SPTAN1: variants seen among roughly 807,000 people sequenced by gnomAD.
The protein encoded by SPTAN1 is spectrin alpha, non-erythrocytic 1.
SPTAN1 carries 61 observed loss-of-function variants against 331.3 expected under a neutral mutation model. The observed-to-expected ratio is 0.18, with a 90% confidence interval of 0.15 to 0.23. SPTAN1 has a LOEUF of 0.23. SPTAN1 is among the 10% of genes least tolerant of loss of function. The pLI, the probability that SPTAN1 is intolerant of heterozygous loss-of-function variation, is 1.00. For missense variants in SPTAN1, 2,043 were observed against 3,147.9 expected (o/e 0.65, Z 8.40); for synonymous variants, 1,153 against 1,173.9 (o/e 0.98, Z 0.36).
chr9:128,605,446 C>G lies in SPTAN1; in HGVS notation c.4015C>G (p.His1339Asp). ...GCGCAAGGCAAAGTTGGGTGACTCC[C>G]ACGACCTGCAGCGCTTCCTTAGCGA... ...DQRKAKLGDS[H>D]DLQRFLSDFR... The change falls in exon 31 of 57, where the codon CAC (histidine) becomes GAC (aspartate). Residue 1339 changes from histidine to aspartate, a missense_variant. Transcript: ENST00000372739. 1 of 1,614,184 alleles carries G rather than the reference C, an allele frequency of 6.2e-7. No individual in the cohort carries two copies. The highest frequency in any genetic ancestry group is 8.5e-7 in the Non-Finnish European group (1 of 1,180,038).
At chr9:128,606,765 C>G (rs1180796779) in intron 31 of SPTAN1, among the ~76,000 whole-genome samples, 2 of 152,052 alleles carry the variant, frequency 1.3e-5, no homozygotes, top group Non-Finnish European at 2.9e-5. Context: ...GGATTACAGG[C>G]GTGAGCCACT....
intron 56 of SPTAN1, 91 bp from the exon 57 acceptor site, chr9:128,633,117 GC>G: frequency 1.2e-6 from 2 of 1,603,020 alleles, no homozygotes; most frequent in Admixed American, 1.7e-5. Context: ...TGTAGAAGCA[GC>G]TCCGAGCCCC....
intron 3 of SPTAN1, among the ~76,000 whole-genome samples, chr9:128,573,101 A>C (rs1229980315): frequency 6.6e-6 from 1 of 152,194 alleles, no homozygotes; most frequent in Non-Finnish European, 1.5e-5. Context: ...GTTAGTGTTT[A>C]AACCGCTTTG....
chr9:128,580,141 C>G (rs1000941793), intron 10 of SPTAN1, among the ~76,000 whole-genome samples: 1 of 151,858 alleles, frequency 6.6e-6, no homozygotes, highest in African/African-American at 2.4e-5. Flanking sequence ...AGTGAGACCC[C>G]CATCTGGACA....
intron 1 of SPTAN1, among the ~76,000 whole-genome samples, chr9:128,556,277 G>C (rs1405566602): frequency 6.6e-6 from 1 of 150,782 alleles, no homozygotes; most frequent in Non-Finnish European, 1.5e-5. Flanking sequence ...TACAGTCTTT[G>C]TTTTCTAAGT....
At chr9:128,622,261 T>G (rs779831676) in intron 45 of SPTAN1, among the ~76,000 whole-genome samples, 1 of 150,686 alleles carries the variant, frequency 6.6e-6, no homozygotes, top group Non-Finnish European at 1.5e-5. Context: ...CCAGTGTGAG[T>G]GTCCTTCAGC....
chr9:128,575,488 T>A, intron 5 of SPTAN1, 143 bp downstream of exon 5: 2 of 908,184 alleles, frequency 2.2e-6, no homozygotes, highest in Non-Finnish European at 3.5e-6. Flanking sequence ...TGTTTAGATG[T>A]GAGGCACAAT....
Position 128,582,462 on chromosome 9 carries a change from C to T in SPTAN1, c.1573-17C>T, listed in dbSNP as rs1445700444. 1 of 1,613,544 alleles carries T rather than the reference C, an allele frequency of 6.2e-7. No individual in the cohort carries two copies. The highest frequency in any genetic ancestry group is 1.1e-5 in the South Asian group (1 of 91,044). ...CTAGTGTGCTTACCAATGAAGAACT[C>T]TTATCTTCCTTCCTAGGCATTAGAT... On this transcript the variant is annotated splice_polypyrimidine_tract_variant and intron_variant, in intron 12 of 56. Transcript: ENST00000372739.
rs578034901 is a variant in SPTAN1 at position 128,627,293 on chromosome 9, G to A, written c.6577-93G>A. The A allele has an allele frequency of 8.7e-7, 1 of 1,143,326 alleles. No homozygotes were observed. Among genetic ancestry groups the A allele is most frequent in the South Asian group, 1.4e-5 (1 of 71,950 alleles). 70.8% of individuals were successfully genotyped at this position (1,143,326 alleles called of 1,614,324 possible). ...CTCATCTTTGGGGAGGTTCCTTGTG[G>A]GGAGGCCACCACCACCCTGAGCCCA... On this transcript the variant is annotated intron_variant, in intron 49 of 56. Coordinates refer to ENST00000372739, the MANE Select transcript of SPTAN1 (RefSeq NM_001130438.3). The surrounding 1 kb of genome is among the most constrained non-coding windows in gnomAD (Gnocchi z 4.9).
At chr9:128,615,947 G>C (rs1857113174) in intron 41 of SPTAN1, 107 bp downstream of exon 41, 3 of 1,246,686 alleles carry the variant, frequency 2.4e-6, no homozygotes, top group Non-Finnish European at 3.4e-6. Flanking sequence ...GCTGGACTGG[G>C]ATCCCAGCTT....
chr9:128,560,231 ACG>A (rs1394101907), intron 1 of SPTAN1, among the ~76,000 whole-genome samples: 1 of 151,050 alleles, frequency 6.6e-6, no homozygotes, highest in African/African-American at 2.4e-5. Flanking sequence ...TTACAGGCGC[ACG>A]CCGCCACACC....
rs1199139142 is a variant in SPTAN1, at chr9:128,583,963, T to A, written c.2187T>A (p.Ala729=). 23 of 1,614,156 alleles carry A rather than the reference T, an allele frequency of 1.4e-5. No individual in the cohort carries two copies. Among genetic ancestry groups the A allele is most frequent in the Non-Finnish European group, 1.9e-5 (22 of 1,180,034 alleles). The part of the protein sequence containing the change: ...KHALLEADVA[A]HQDRIDGITI... ...CACTGCTAGAGGCAGATGTGGCTGCTCACCAGGTAGTGTGAACTGGGGGCT... is the reference window on the plus strand; with the variant it reads ...CACTGCTAGAGGCAGATGTGGCTGCACACCAGGTAGTGTGAACTGGGGGCT... The change falls in exon 16 of 57, where the codon GCT becomes GCA. Residue 729 remains alanine, a synonymous_variant. Transcript: ENST00000372739.
At chr9:128,600,773 C>T (rs1855013206) in intron 27 of SPTAN1, among the ~76,000 whole-genome samples, 1 of 151,866 alleles carries the variant, frequency 6.6e-6, no homozygotes, top group South Asian at 2.1e-4. Context: ...AGCAATTCTC[C>T]TGCCTCAGCC....
In SPTAN1 at chr9:128,633,024, G is replaced by A. The variant is rs1589421245; in HGVS notation, c.7308+69G>A. 4 of 1,602,880 alleles carry A rather than the reference G, an allele frequency of 2.5e-6. No homozygotes were observed. In the South Asian group the frequency reaches 3.3e-5, roughly 13 times the overall value. ...CTAAAGCCAAATTTGTGGCAGAGCT[G>A]AGTCTGGGGTAACAGGCCCTGCGCT... On this transcript the variant is annotated intron_variant, in intron 56 of 56. Coordinates refer to ENST00000372739, the MANE Select transcript of SPTAN1 (RefSeq NM_001130438.3).
chr9:128,608,117 T>A lies in SPTAN1; in HGVS notation c.4345-13T>A, dbSNP rs1222614785. ...AGGGCCTCATTTTCTCACCTGCCTC[T>A]TGCCCTCTTTAGCTGTTCCATCGGG... On this transcript the variant is annotated splice_polypyrimidine_tract_variant and intron_variant, in intron 33 of 56. Transcript: ENST00000372739. 1 of 1,614,094 alleles carries A rather than the reference T, an allele frequency of 6.2e-7. No individual in the cohort carries two copies. Among genetic ancestry groups the A allele is most frequent in the African/African-American group, 1.3e-5 (1 of 74,924 alleles).
At chr9:128,601,129 A>G (rs1215959668) in intron 27 of SPTAN1, among the ~76,000 whole-genome samples, 1 of 151,176 alleles carries the variant, frequency 6.6e-6, no homozygotes, top group African/African-American at 2.4e-5. Flanking sequence ...GGTTACAGGC[A>G]TGCACCACCA....
intron 37 of SPTAN1, among the ~76,000 whole-genome samples, chr9:128,610,724 C>T (rs758392226): frequency 2.6e-5 from 4 of 152,154 alleles, no homozygotes; most frequent in Non-Finnish European, 4.4e-5. Flanking sequence ...CCATATCAGG[C>T]GCCCAGGATC....
At chr9:128,623,857 G>A (rs545948305) in intron 45 of SPTAN1, among the ~76,000 whole-genome samples, 1 of 151,638 alleles carries the variant, frequency 6.6e-6, no homozygotes, top group Non-Finnish European at 1.5e-5. Flanking sequence ...AAGCCGAGGT[G>A]GGCAAATCAC....
intron 1 of SPTAN1, among the ~76,000 whole-genome samples, chr9:128,554,964 T>G (rs1014925320): frequency 6.6e-6 from 1 of 152,246 alleles, no homozygotes; most frequent in African/African-American, 2.4e-5. Flanking sequence ...AGTCATGCTC[T>G]TTTATTGCTG....
Sources: gnomAD v4.1 joint callset for allele counts (sites outside exome capture counted in the v4.1 genomes callset) on GRCh38, gnomAD v4.1.1 for gene constraint, Gnocchi (gnomAD v3.1) non-coding constraint, MANE v1.5 for transcripts, NCBI Gene and HGNC (gene_info 2026-07-23, HGNC 2026-07-21) for gene names.